ARHGAP28: variants seen among roughly 807,000 people sequenced by gnomAD.
ARHGAP28 encodes the protein rho GTPase-activating protein 28.
In ARHGAP28, 56 loss-of-function variants were observed where a neutral mutation model predicts 90.7. That is an observed-to-expected ratio of 0.62 (90% CI 0.50 to 0.77). The LOEUF (loss-of-function observed/expected upper bound fraction) is 0.77. ARHGAP28 is among the 30% of genes least tolerant of loss of function. The pLI is 0.00. For synonymous variants in ARHGAP28, 308 were observed against 323.3 expected (o/e 0.95, Z 0.51); for missense variants, 869 against 900.9 (o/e 0.96, Z 0.45).
chr18:6,831,569 A>G (rs913567024), intron 2 of ARHGAP28, among the ~76,000 whole-genome samples: 3 of 146,416 alleles, frequency 2.0e-5, no homozygotes, highest in Non-Finnish European at 3.0e-5. Context: ...TACATGTGCC[A>G]TGCTGGTTGT....
intron 11 of ARHGAP28, among the ~76,000 whole-genome samples, chr18:6,885,316 C>T (rs943872419): frequency 3.9e-5 from 6 of 152,150 alleles, no homozygotes; most frequent in Admixed American, 1.3e-4. Context: ...GCCTTTTTGC[C>T]ACCTAAGTAA....
intron 1 of ARHGAP28, among the ~76,000 whole-genome samples, chr18:6,806,937 T>C (rs2056523185): frequency 6.6e-6 from 1 of 152,192 alleles, no homozygotes; most frequent in Non-Finnish European, 1.5e-5. Flanking sequence ...TTTCAGATTG[T>C]ATTGTTTCTG....
rs1567993042 is a variant in ARHGAP28 at position 6,913,778 on chromosome 18, C to A, written c.*1624C>A. The A allele has an allele frequency of 1.3e-5, 2 of 151,108 alleles. No homozygotes were observed. The highest frequency in any genetic ancestry group is 2.4e-5 in the African/African-American group (1 of 41,078). 9.4% of individuals were successfully genotyped at this position (151,108 alleles called of 1,614,324 possible). A position where few individuals can be genotyped will look rare whatever the true frequency, so the allele number is the denominator to read the frequency against. On this transcript the variant is annotated 3_prime_UTR_variant, in exon 18 of 18. Transcript: ENST00000383472. ...AACCCATTAAAAGAAAACGTGCCTT[C>A]TGTATAAGTTTATGTTTATTCCTAC...
intron 1 of ARHGAP28, among the ~76,000 whole-genome samples, chr18:6,758,380 G>A (rs1382511323): frequency 6.6e-6 from 1 of 152,126 alleles, no homozygotes; most frequent in African/African-American, 2.4e-5. Flanking sequence ...GGCGAGTGCG[G>A]TGGCATGATC....
chr18:6,886,953 A>G (rs1256978794), intron 11 of ARHGAP28, among the ~76,000 whole-genome samples: 1 of 152,132 alleles, frequency 6.6e-6, no homozygotes, highest in Non-Finnish European at 1.5e-5. Flanking sequence ...TGCCTCAACA[A>G]TGGCATCATG....
chr18:6,851,098 C>G lies in ARHGAP28; in HGVS notation c.608C>G (p.Pro203Arg), dbSNP rs1567970124. The change falls in exon 4 of 18, where the codon CCA becomes CGA. Residue 203 changes from proline (P) to arginine (R), a missense_variant. By Grantham distance (103) the Pro-to-Arg change is moderately radical. Transcript: ENST00000383472. The stretch of plus-strand genomic sequence containing the variant: ...GGCACCAAGGAAGAAAGAGAGCTTC[C>G]AAGAGTTATCAAGACAAGTGGTTCC... The part of the protein sequence containing the change: ...LDGTKEEREL[P>R]RVIKTSGSMP... The G allele has an allele frequency of 8.7e-6, 14 of 1,613,988 alleles. No homozygotes were observed. The highest frequency in any genetic ancestry group is 1.2e-5 in the Non-Finnish European group (14 of 1,179,982).
Position 6,915,162 on chromosome 18 carries a change from GAA to G in ARHGAP28, c.*3009_*3010del, listed in dbSNP as rs2057416396. The G allele has an allele frequency of 6.6e-6, 1 of 152,204 alleles. No individual in the cohort carries two copies. The highest frequency in any genetic ancestry group is 1.5e-5 in the Non-Finnish European group (1 of 68,040). The allele number at this position is 152,204 out of a possible 1,614,324, so 9.4% of individuals were successfully genotyped here. ...GTGATCTATGTGGTATACTCTGAGA[GAA>G]TTCTGTGTCCTGCTCATTGTCTTGA... On this transcript the variant is annotated 3_prime_UTR_variant, in exon 18 of 18. Transcript: ENST00000383472.
chr18:6,734,856 G>A (rs981022163), intron 1 of ARHGAP28, among the ~76,000 whole-genome samples: 1 of 152,124 alleles, frequency 6.6e-6, no homozygotes, highest in Non-Finnish European at 1.5e-5. Context: ...GTATTTATAG[G>A]TCATTCTTTA....
At chr18:6,841,291 T>G (rs2143913679) in intron 3 of ARHGAP28, among the ~76,000 whole-genome samples, 1 of 144,938 alleles carries the variant, frequency 6.9e-6, no homozygotes, top group Admixed American at 6.9e-5. Flanking sequence ...CTATTCCTTC[T>G]TATTCTTTCT....
chr18:6,824,752 C>A lies in ARHGAP28; in HGVS notation c.123-10C>A, dbSNP rs1194100003. 3.9e-6 allele frequency: 6 copies of A among 1,529,362 alleles called. No homozygotes were observed. The highest frequency in any genetic ancestry group is 2.0e-5 in the Admixed American group (1 of 49,486). 94.7% of individuals were successfully genotyped at this position (1,529,362 alleles called of 1,614,324 possible). ...CCCGTTTTTATTCATAGATATTATTCTTTCCTCAGAAAATCCATTCCTCGC... is the reference window on the plus strand; with the variant it reads ...CCCGTTTTTATTCATAGATATTATTATTTCCTCAGAAAATCCATTCCTCGC... On this transcript the variant is annotated splice_polypyrimidine_tract_variant and intron_variant, in intron 1 of 17. Coordinates refer to ENST00000383472, the MANE Select transcript of ARHGAP28 (RefSeq NM_001366230.1).
intron 3 of ARHGAP28, among the ~76,000 whole-genome samples, chr18:6,841,515 T>C (rs1000070807): frequency 2.0e-5 from 3 of 151,636 alleles, no homozygotes; most frequent in African/African-American, 7.3e-5. Context: ...TATAAAGATA[T>C]AAGTATTTAT....
chr18:6,911,856 T>G (rs2057401100), intron 17 of ARHGAP28, among the ~76,000 whole-genome samples: 1 of 151,642 alleles, frequency 6.6e-6, no homozygotes. Flanking sequence ...TTCACAGTCT[T>G]AAAGAAAGAA....
At chr18:6,811,536 T>C (rs987571182) in intron 1 of ARHGAP28, among the ~76,000 whole-genome samples, 8 of 152,202 alleles carry the variant, frequency 5.3e-5, no homozygotes, top group Admixed American at 1.3e-4. Context: ...CATTCAAACA[T>C]ATTTCTAAGT....
chr18:6,905,577 A>C (rs2143841671), intron 16 of ARHGAP28, among the ~76,000 whole-genome samples: 1 of 152,322 alleles, frequency 6.6e-6, no homozygotes, highest in South Asian at 2.1e-4. Flanking sequence ...AAGAAATGGG[A>C]GGCATACAAG....
chr18:6,849,621 T>C (rs2056894040), intron 3 of ARHGAP28, among the ~76,000 whole-genome samples: 1 of 152,234 alleles, frequency 6.6e-6, no homozygotes, highest in Non-Finnish European at 1.5e-5. Context: ...AGTATCAAGA[T>C]GCTAGGCCCT....
intron 1 of ARHGAP28, among the ~76,000 whole-genome samples, chr18:6,804,926 A>G (rs144762471): frequency 6.6e-6 from 1 of 152,336 alleles, no homozygotes; most frequent in Non-Finnish European, 1.5e-5. Context: ...TCTTTTATAT[A>G]CTTACTTATT....
chr18:6,877,676 TG>T (rs2143597412), intron 10 of ARHGAP28, among the ~76,000 whole-genome samples: 1 of 152,290 alleles, frequency 6.6e-6, no homozygotes, highest in Non-Finnish European at 1.5e-5. Context: ...GGCAGGGAAA[TG>T]CCCAACGGCT....
intron 1 of ARHGAP28, among the ~76,000 whole-genome samples, chr18:6,781,232 C>T (rs1489190356): frequency 6.6e-6 from 1 of 152,182 alleles, no homozygotes; most frequent in East Asian, 1.9e-4. Context: ...CCTTCCTCTG[C>T]TGTCTGAGCT....
At chr18:6,796,487 G>A (rs1033499874) in intron 1 of ARHGAP28, among the ~76,000 whole-genome samples, 2 of 151,854 alleles carry the variant, frequency 1.3e-5, no homozygotes, top group African/African-American at 2.4e-5. Context: ...AACAATAGCC[G>A]TTTTATTGAA....
Sources: gnomAD v4.1 joint callset for allele counts (sites outside exome capture counted in the v4.1 genomes callset) on GRCh38, gnomAD v4.1.1 for gene constraint, MANE v1.5 for transcripts, NCBI Gene and HGNC (gene_info 2026-07-23, HGNC 2026-07-21) for gene names.